LRRC8C: variants seen among roughly 807,000 people sequenced by gnomAD.
The protein encoded by LRRC8C is volume-regulated anion channel subunit LRRC8C.
A neutral mutation model predicts 55.3 loss-of-function variants in LRRC8C; 20 were observed. That is an observed-to-expected ratio of 0.36 (90% CI 0.25 to 0.53). LRRC8C has a LOEUF of 0.53. LRRC8C is among the 20% of genes least tolerant of loss of function. LRRC8C has a pLI of 0.92. For synonymous variants in LRRC8C, 376 were observed against 360.7 expected (o/e 1.04, Z -0.48); for missense variants, 659 against 951.4 (o/e 0.69, Z 4.04).
intron 1 of LRRC8C, among the ~76,000 whole-genome samples, chr1:89,680,319 C>T (rs919755232): frequency 7.2e-5 from 11 of 152,078 alleles, no homozygotes; most frequent in Middle Eastern, 6.8e-3. Flanking sequence ...CCTTGTGATC[C>T]GCCCACCTCG....
intron 1 of LRRC8C, among the ~76,000 whole-genome samples, chr1:89,659,056 TTTTTTTG>T (rs1557651738): frequency 3.1e-5 from 1 of 31,974 alleles, no homozygotes; most frequent in African/African-American, 1.1e-4. Context: ...AGGTTTTTTT[TTTTTTTG>T]TGTGTGTGTG....
At chr1:89,683,971 G>A (rs1337151925) in intron 1 of LRRC8C, among the ~76,000 whole-genome samples, 3 of 151,918 alleles carry the variant, frequency 2.0e-5, no homozygotes, top group Non-Finnish European at 4.4e-5. Context: ...GCATTAAAGG[G>A]ATTTGCAAAA....
At chr1:89,672,404 G>A (rs1384412583) in intron 1 of LRRC8C, among the ~76,000 whole-genome samples, 1 of 152,162 alleles carries the variant, frequency 6.6e-6, no homozygotes, top group African/African-American at 2.4e-5. Context: ...CGGGGATTAT[G>A]TCTCTCTTAC....
At chr1:89,700,965 C>A (rs905145961) in intron 2 of LRRC8C, among the ~76,000 whole-genome samples, 12 of 152,182 alleles carry the variant, frequency 7.9e-5, no homozygotes, top group African/African-American at 2.9e-4. Context: ...CTTACTTCCT[C>A]TTCCTATAAC....
intron 2 of LRRC8C, among the ~76,000 whole-genome samples, chr1:89,699,034 A>G (rs1205085891): frequency 6.6e-6 from 1 of 152,210 alleles, no homozygotes; most frequent in Admixed American, 6.5e-5. Flanking sequence ...GGAATGCTAT[A>G]TAGTGCTAAA....
In LRRC8C at chr1:89,715,727, A is replaced by G. The variant is rs1331861954; in HGVS notation, c.*745A>G. ...CTTAATCTCAATACTGCTATGTAGT[A>G]CTGGTGAACAACTTTGGAGAACCTA... On this transcript the variant is annotated 3_prime_UTR_variant, in exon 3 of 3. Coordinates refer to ENST00000370454, the MANE Select transcript of LRRC8C (RefSeq NM_032270.5). 3.3e-5 allele frequency: 5 copies of G among 152,230 alleles called. No homozygotes were observed. Among genetic ancestry groups the G allele is most frequent in the African/African-American group, 1.2e-4 (5 of 41,466 alleles). The allele number at this position is 152,230 out of a possible 1,614,324, so 9.4% of individuals were successfully genotyped here.
At chr1:89,685,723 A>T (rs1303554884) in intron 1 of LRRC8C, among the ~76,000 whole-genome samples, 1 of 152,126 alleles carries the variant, frequency 6.6e-6, no homozygotes, top group Non-Finnish European at 1.5e-5. Context: ...ATCTTCTGTC[A>T]TTTGGTTAAA....
chr1:89,621,395 G>A, the LRRC8C span, among the ~76,000 whole-genome samples: 1 of 151,792 alleles, frequency 6.6e-6, no homozygotes, highest in African/African-American at 2.4e-5. Flanking sequence ...CGTGAACCCA[G>A]GAGGCGGAGC....
intron 2 of LRRC8C, among the ~76,000 whole-genome samples, chr1:89,688,718 C>G (rs1181522701): frequency 2.0e-5 from 3 of 152,132 alleles, no homozygotes; most frequent in Non-Finnish European, 2.9e-5. Flanking sequence ...TTTGGTTTCC[C>G]CGGAGACCTG....
chr1:89,634,886 T>C (rs1022070222), intron 1 of LRRC8C, among the ~76,000 whole-genome samples: 1 of 152,170 alleles, frequency 6.6e-6, no homozygotes, highest in African/African-American at 2.4e-5. Flanking sequence ...TTGAGGGGGA[T>C]GTAGGGCAGT....
intron 2 of LRRC8C, among the ~76,000 whole-genome samples, chr1:89,689,788 A>C (rs1482608316): frequency 6.6e-6 from 1 of 151,926 alleles, no homozygotes; most frequent in Non-Finnish European, 1.5e-5. Context: ...TAACAATACA[A>C]AAATTAGCCG....
rs1176806211 is a variant in LRRC8C at position 89,680,387 on chromosome 1, AT to A, written c.-4-6082del. Reference sequence around the variant, plus strand: ...CCACCGTGCCCGGCCAACTTTACCAATATTCTTTACCAAAATATATATCTTT... The same window carrying A: ...CCACCGTGCCCGGCCAACTTTACCAAATTCTTTACCAAAATATATATCTTT... On this transcript the variant is annotated intron_variant, in intron 1 of 2. Coordinates refer to ENST00000370454, the MANE Select transcript of LRRC8C (RefSeq NM_032270.5). Among the ~76,000 whole-genome samples the A allele has an allele frequency of 2.0e-5, 3 of 151,750 alleles. No individual in the cohort carries two copies. In the East Asian group the frequency reaches 5.8e-4, roughly 29 times the overall value.
rs548479033 is a variant in LRRC8C, at chr1:89,699,829, A to C, written c.139-12880A>C. On this transcript the variant is annotated intron_variant, in intron 2 of 2. Transcript: ENST00000370454. ...AAAGCATTTAAATATTCACTCCTTC[A>C]GAGCCATCTACTCTGCCTTTTCAGT... Among the ~76,000 whole-genome samples, 13 of 152,356 alleles carry C rather than the reference A, an allele frequency of 8.5e-5. 2 individuals are homozygous for C. The highest frequency in any genetic ancestry group is 3.1e-4 in the African/African-American group (13 of 41,588).
At chr1:89,648,664 G>T (rs946423747) in intron 1 of LRRC8C, among the ~76,000 whole-genome samples, 7 of 152,068 alleles carry the variant, frequency 4.6e-5, no homozygotes, top group Admixed American at 2.6e-4. Context: ...TTATAGAATT[G>T]TGTAACTATC....
At chr1:89,693,289 A>T (rs1034897988) in intron 2 of LRRC8C, among the ~76,000 whole-genome samples, 3 of 152,226 alleles carry the variant, frequency 2.0e-5, no homozygotes, top group African/African-American at 4.8e-5. Context: ...AGAGCCATCA[A>T]TGTCAGCTCC....
At chr1:89,660,958 A>G (rs1657102468) in intron 1 of LRRC8C, among the ~76,000 whole-genome samples, 1 of 152,202 alleles carries the variant, frequency 6.6e-6, no homozygotes, top group African/African-American at 2.4e-5. Flanking sequence ...AAGTCTATCC[A>G]TGGACATCCA....
chr1:89,706,925 G>C (rs921223351), intron 2 of LRRC8C, among the ~76,000 whole-genome samples: 7 of 152,162 alleles, frequency 4.6e-5, no homozygotes, highest in Admixed American at 4.6e-4. Context: ...GATCAGAATT[G>C]AAGAATCCAA....
intron 1 of LRRC8C, among the ~76,000 whole-genome samples, chr1:89,642,325 A>G (rs1383803253): frequency 6.6e-6 from 1 of 152,222 alleles, no homozygotes; most frequent in African/African-American, 2.4e-5. Context: ...CATTGCTACA[A>G]TTTATGTAGT....
At chr1:89,706,174 TGACATATAGTAGA>T (rs1658477326) in intron 2 of LRRC8C, 6 of 361,200 alleles carry the variant, frequency 1.7e-5, no homozygotes, top group Non-Finnish European at 3.3e-5. Flanking sequence ...ATATAACAAC[TGACATATAGTAGA>T]TACTACTGCA....
Sources: allele counts gnomAD v4.1 joint callset (sites outside exome capture counted in the v4.1 genomes callset), GRCh38; gene constraint gnomAD v4.1.1; transcripts MANE v1.5; gene names NCBI Gene and HGNC (gene_info 2026-07-23, HGNC 2026-07-21).